Variants in ASAP1 observed in about 807,000 individuals in gnomAD.
ASAP1 encodes arf-GAP with SH3 domain, ANK repeat and PH domain-containing protein 1.
A neutral mutation model predicts 145.2 loss-of-function variants in ASAP1; 43 were observed. The observed-to-expected ratio is 0.30, with a 90% confidence interval of 0.23 to 0.38. The LOEUF (loss-of-function observed/expected upper bound fraction) is 0.38, where lower values mean the gene tolerates loss of function less well. ASAP1 is among the 10% of genes least tolerant of loss of function. The probability of loss-of-function intolerance (pLI) is 1.00; values close to 1 mark genes in which losing one functional copy is unlikely to be tolerated. For missense variants in ASAP1, 1,018 were observed against 1,355.3 expected (o/e 0.75, Z 3.91); for synonymous variants, 546 against 515.5 (o/e 1.06, Z -0.80).
chr8:130,344,946 T>A (rs995446735), intron 3 of ASAP1, among the ~76,000 whole-genome samples: 1 of 152,176 alleles, frequency 6.6e-6, no homozygotes, highest in Non-Finnish European at 1.5e-5. Flanking sequence ...ATTGTTTTAG[T>A]TACAAATTAC....
At chr8:130,099,519 T>C (rs1282828626) in intron 24 of ASAP1, among the ~76,000 whole-genome samples, 4 of 151,586 alleles carry the variant, frequency 2.6e-5, no homozygotes, top group Non-Finnish European at 5.9e-5. Context: ...TTTGTGGAGA[T>C]GGGGTTTTGC....
At chr8:130,383,964 G>A (rs58664881) in intron 2 of ASAP1, among the ~76,000 whole-genome samples, 1,638 of 152,264 alleles carry the variant, frequency 0.011, 25 homozygotes, top group African/African-American at 0.038. Context: ...TTCCAGAACT[G>A]GCCACCTGCC....
chr8:130,427,559 T>C (rs74724856), intron 1 of ASAP1, among the ~76,000 whole-genome samples: 2,551 of 152,150 alleles, frequency 0.017, 66 homozygotes, highest in African/African-American at 0.059. Context: ...GCAGGGGGTA[T>C]TGGCAGCGCA....
At chr8:130,349,569 T>C (rs1825880408) in intron 3 of ASAP1, among the ~76,000 whole-genome samples, 1 of 152,152 alleles carries the variant, frequency 6.6e-6, no homozygotes, top group Non-Finnish European at 1.5e-5. Flanking sequence ...CAACACACGC[T>C]AGAAGTAATA....
chr8:130,420,826 G>A (rs1829691017), intron 1 of ASAP1, among the ~76,000 whole-genome samples: 1 of 151,498 alleles, frequency 6.6e-6, no homozygotes, highest in Non-Finnish European at 1.5e-5. Flanking sequence ...TCGGGAGGCA[G>A]AGGTTGCAGT....
chr8:130,164,371 G>A (rs1416723298), intron 11 of ASAP1, among the ~76,000 whole-genome samples: 17 of 152,006 alleles, frequency 1.1e-4, no homozygotes, highest in Non-Finnish European at 1.9e-4. Context: ...GATCACTTGA[G>A]GTCACTTGAG....
intron 3 of ASAP1, among the ~76,000 whole-genome samples, chr8:130,342,519 C>T (rs1007728097): frequency 6.6e-6 from 1 of 152,010 alleles, no homozygotes; most frequent in Non-Finnish European, 1.5e-5. Flanking sequence ...TATTTGGCCC[C>T]CTAGGGAAGC....
At chr8:130,129,199 T>C (rs1178990064) in intron 15 of ASAP1, among the ~76,000 whole-genome samples, 1 of 152,252 alleles carries the variant, frequency 6.6e-6, no homozygotes, top group Non-Finnish European at 1.5e-5. Flanking sequence ...CCCAGCCATG[T>C]GGAACTGTGA....
chr8:130,061,311 C>T (rs960389219), intron 27 of ASAP1, among the ~76,000 whole-genome samples: 1 of 151,932 alleles, frequency 6.6e-6, no homozygotes, highest in Non-Finnish European at 1.5e-5. Flanking sequence ...TACATTCATC[C>T]AGAATTAAAA....
intron 2 of ASAP1, among the ~76,000 whole-genome samples, chr8:130,372,596 AT>A (rs1320371883): frequency 6.6e-6 from 1 of 152,256 alleles, no homozygotes; most frequent in Non-Finnish European, 1.5e-5. Flanking sequence ...GTTCTTTAGA[AT>A]TCAAGCCACA....
intron 1 of ASAP1, among the ~76,000 whole-genome samples, chr8:130,439,387 A>AT (rs1830418946): frequency 1.3e-5 from 2 of 152,190 alleles, no homozygotes; most frequent in African/African-American, 4.8e-5. Context: ...GTTTGGAGTA[A>AT]TTTGTTACCG....
intron 2 of ASAP1, among the ~76,000 whole-genome samples, chr8:130,380,663 A>ACCC (rs927024098): frequency 6.6e-6 from 1 of 152,192 alleles, no homozygotes; most frequent in African/African-American, 2.4e-5. Flanking sequence ...ACCCAGTGCA[A>ACCC]CCCATGCATG....
chr8:130,058,856 C>A (rs147967286), intron 28 of ASAP1, among the ~76,000 whole-genome samples: 67 of 152,282 alleles, frequency 4.4e-4, no homozygotes, highest in African/African-American at 1.5e-3. Flanking sequence ...AGCTGCTTTC[C>A]GAGCTCCCTT....
intron 5 of ASAP1, among the ~76,000 whole-genome samples, chr8:130,192,913 T>C (rs1158671021): frequency 1.3e-5 from 2 of 152,206 alleles, no homozygotes; most frequent in African/African-American, 4.8e-5. Context: ...GAAAGTTACG[T>C]GCCTATCAAT....
rs780394310 is a variant in ASAP1, at chr8:130,187,231, C to T, written c.530+5G>A. Reference sequence around the variant, plus strand: ...AACAAAAACTCTAAACAAAAAACCACTTACAACTTTGTCTCATAATCTTTC... The same window carrying T: ...AACAAAAACTCTAAACAAAAAACCATTTACAACTTTGTCTCATAATCTTTC... On this transcript the variant is annotated splice_donor_5th_base_variant and intron_variant, in intron 7 of 29. Transcript: ENST00000518721. 6.2e-7 allele frequency: 1 copy of T among 1,605,244 alleles called. No homozygotes were observed. Among genetic ancestry groups the T allele is most frequent in the Non-Finnish European group, 8.5e-7 (1 of 1,177,414 alleles).
chr8:130,377,404 G>A (rs1827554268), intron 2 of ASAP1, among the ~76,000 whole-genome samples: 1 of 152,192 alleles, frequency 6.6e-6, no homozygotes, highest in Non-Finnish European at 1.5e-5. Context: ...GAGACCATGT[G>A]TGATCGACAA....
At chr8:130,424,058 G>C (rs1829822105) in intron 1 of ASAP1, among the ~76,000 whole-genome samples, 1 of 152,118 alleles carries the variant, frequency 6.6e-6, no homozygotes, top group Non-Finnish European at 1.5e-5. Flanking sequence ...ATGGTGATTT[G>C]CATGGCATGT....
Position 130,124,028 on chromosome 8 carries a change from G to T in ASAP1, c.1592C>A (p.Thr531Asn), listed in dbSNP as rs2097570943. The T allele has an allele frequency of 6.2e-7, 1 of 1,607,910 alleles. No individual in the cohort carries two copies. Among genetic ancestry groups the T allele is most frequent in the Non-Finnish European group, 8.5e-7 (1 of 1,176,812 alleles). ...ANLPSPSPKP[T>N]PSSDMTVRKE... ...AAATACTTACATATCACTTGAAGGG[G>T]TGGGTTTTGGTGAGGGGCTGGGTAA... is the stretch of plus-strand genomic sequence containing the variant. The change falls in exon 18 of 30, where the codon ACC becomes AAC. Residue 531 changes from threonine to asparagine, a missense_variant. Thr to Asn is a moderately conservative substitution (Grantham distance 65, BLOSUM62 0). Around this residue, in one of 9 missense-constraint regions of ASAP1, gnomAD observed 153 missense variants for 221.6 expected, o/e 0.69. Transcript: ENST00000518721.
rs867111410 is a variant in ASAP1, at chr8:130,161,495, G to A, written c.910-1531C>T. On this transcript the variant is annotated intron_variant, in intron 11 of 29. Coordinates refer to ENST00000518721, the MANE Select transcript of ASAP1 (RefSeq NM_018482.4). The stretch of plus-strand genomic sequence containing the variant: ...AAAAGCCAGGTATTAAGGACCCTGA[G>A]TATACAACATAAGCCCTGGCTTTGA... Among the ~76,000 whole-genome samples the A allele has an allele frequency of 1.2e-4, 18 of 152,302 alleles. 1 individual carries two copies. In the South Asian group the frequency reaches 2.7e-3, roughly 23 times the overall value.
Sources: allele counts gnomAD v4.1 joint callset (sites outside exome capture counted in the v4.1 genomes callset), GRCh38; gene constraint gnomAD v4.1.1; regional missense constraint gnomAD v4.1.1; transcripts MANE v1.5; gene names NCBI Gene and HGNC (gene_info 2026-07-23, HGNC 2026-07-21).